The following PSG2 variants were observed in gnomAD, a reference collection of about 807,000 sequenced individuals.
PSG2 encodes pregnancy specific beta-1-glycoprotein 2.
Under a neutral mutation model 36.2 loss-of-function variants are expected in PSG2, and 49 were observed. That is an observed-to-expected ratio of 1.35 (90% CI 1.08 to 1.72). The LOEUF (loss-of-function observed/expected upper bound fraction) is 1.72. PSG2 is among the 40% of genes most tolerant of loss of function. The probability of loss-of-function intolerance (pLI) is 0.00; values close to 1 mark genes in which losing one functional copy is unlikely to be tolerated. For synonymous variants in PSG2, 261 were observed against 155.6 expected, an observed-to-expected ratio of 1.68 and a Z score of -5.04; for missense variants, 605 against 407.2, an observed-to-expected ratio of 1.49 and a Z score of -4.18.
chr19:43,072,476 C>A, intron 3 of PSG2: 7 of 1,611,402 alleles, frequency 4.3e-6, no homozygotes, highest in Non-Finnish European at 5.9e-6. Flanking sequence ...TTCAATGGGT[C>A]GCTTTACCCT....
intron 4 of PSG2, among the ~76,000 whole-genome samples, chr19:43,070,106 T>TA (rs1378885930): frequency 6.6e-6 from 1 of 151,612 alleles, no homozygotes; most frequent in Non-Finnish European, 1.5e-5. Context: ...CATGAATACT[T>TA]AGAGATGTGC....
Position 43,066,574 on chromosome 19 carries a change from G to C in PSG2, c.991C>G (p.Leu331Val). The C allele has an allele frequency of 6.2e-7, 1 of 1,602,100 alleles. No individual in the cohort carries two copies. ...CACAGCTGCTATGTTGGATTAAGGA[G>C]AGGAAGAAGTCCTATTCTTGTAGAA... is the stretch of plus-strand genomic sequence containing the variant. The part of the protein sequence containing the change: ...SASTRIGLLP[L>V]LNPT Residue 331 changes from leucine (L) to valine (V), a missense_variant, in exon 5 of 6, where the codon CTC becomes GTC. By Grantham distance (32) the Leu-to-Val change is conservative. Coordinates refer to ENST00000406487, the MANE Select transcript of PSG2 (RefSeq NM_031246.4).
chr19:43,071,745 CT>C lies in PSG2; in HGVS notation c.918del (p.Ala307ProfsTer10), dbSNP rs753732479. 6.2e-7 allele frequency: 1 copy of C among 1,612,904 alleles called. No individual in the cohort carries two copies. The highest frequency in any genetic ancestry group is 1.3e-5 in the African/African-American group (1 of 74,462). On this transcript the variant is annotated frameshift_variant, in exon 4 of 6. Transcript: ENST00000406487. LOFTEE classifies it high-confidence loss of function. ...GATGTGGAGCTTTCCTCGCCAGTGG[CT>C]GAGTTACGAACAGAGCAAACATAGA... ...SGLYVCSVRN[S>X]ATGEESSTSL...
intron 2 of PSG2, among the ~76,000 whole-genome samples, chr19:43,079,404 G>C (rs1036609209): frequency 6.6e-6 from 1 of 151,398 alleles, no homozygotes; most frequent in Non-Finnish European, 1.5e-5. Flanking sequence ...AAGGACAAGG[G>C]ACAGGTGTGG....
intron 2 of PSG2, 132 bp downstream of exon 2, chr19:43,080,749 A>G: frequency 6.4e-7 from 1 of 1,565,818 alleles, no homozygotes; most frequent in Non-Finnish European, 8.8e-7. Context: ...TCCTGCACTA[A>G]ATGCCCAAAC....
chr19:43,077,931 C>G (rs1180353096), intron 2 of PSG2, among the ~76,000 whole-genome samples: 1 of 151,576 alleles, frequency 6.6e-6, no homozygotes, highest in East Asian at 1.9e-4. Flanking sequence ...TGTTATATGC[C>G]TGACCGGAAG....
chr19:43,072,278 G>A lies in PSG2; in HGVS notation c.710-324C>T, dbSNP rs1451096411. 86 of 1,587,560 alleles carry A rather than the reference G, an allele frequency of 5.4e-5. 1 individual carries two copies. The highest frequency in any genetic ancestry group is 6.9e-5 in the Non-Finnish European group (80 of 1,164,076). On this transcript the variant is annotated intron_variant, in intron 3 of 5. Transcript: ENST00000406487. ...AAGTTGTCTATACTTGGACCGGAGA[G>A]AGACTGAGAGGCCTGGCCCCTGGTC... is the stretch of plus-strand genomic sequence containing the variant.
chr19:43,068,339 T>G (rs1249448481), intron 4 of PSG2, among the ~76,000 whole-genome samples: 1 of 151,068 alleles, frequency 6.6e-6, no homozygotes, highest in South Asian at 2.1e-4. Flanking sequence ...CTTGAGAGGC[T>G]GAAGAAGGAG....
At chr19:43,074,431 C>G (rs1967862709) in intron 3 of PSG2, among the ~76,000 whole-genome samples, 1 of 151,596 alleles carries the variant, frequency 6.6e-6, no homozygotes, top group Non-Finnish European at 1.5e-5. Flanking sequence ...AAACTTATTC[C>G]AAAATATTTT....
In PSG2 at chr19:43,082,548, G is replaced by T; in HGVS notation, c.22C>A (p.Pro8Thr). 6.2e-7 allele frequency: 1 copy of T among 1,612,024 alleles called. No individual in the cohort carries two copies. The highest frequency in any genetic ancestry group is 8.5e-7 in the Non-Finnish European group (1 of 1,179,078). Reference sequence around the variant, plus strand: ...TTCCATTTGATGTGCTCTGTGCAGGGAGGGGCTGAGAGGGGCCCCATGGTC... The same window carrying T: ...TTCCATTTGATGTGCTCTGTGCAGGTAGGGGCTGAGAGGGGCCCCATGGTC... MGPLSAP[P>T]CTEHIKWKGL... The change falls in exon 1 of 6, where the codon CCC becomes ACC. Residue 8 changes from proline (P) to threonine (T), a missense_variant. Pro to Thr is a conservative substitution (Grantham distance 38). Coordinates refer to ENST00000406487, the MANE Select transcript of PSG2 (RefSeq NM_031246.4).
chr19:43,075,049 G>A (rs62112361), intron 3 of PSG2, among the ~76,000 whole-genome samples: 9 of 151,614 alleles, frequency 5.9e-5, no homozygotes, highest in East Asian at 3.9e-4. Flanking sequence ...GAGCCAAGCC[G>A]CAACACTGAA....
At chr19:43,080,535 G>A (rs1967956592) in intron 2 of PSG2, among the ~76,000 whole-genome samples, 1 of 151,662 alleles carries the variant, frequency 6.6e-6, no homozygotes, top group Non-Finnish European at 1.5e-5. Context: ...TATCTCAGGG[G>A]ACCCCTCAGG....
rs1477300174 is a variant in PSG2 at position 43,065,253 on chromosome 19, C to T, written c.*41-652G>A. Among the ~76,000 whole-genome samples, 5 of 151,310 alleles carry T rather than the reference C, an allele frequency of 3.3e-5. No individual in the cohort carries two copies. The South Asian group carries it at 8.4e-4, about 25-fold the overall frequency. ...AATATATAAAATAAGGTGGCTTTTC[C>T]GTTCAGCTTCTGTTTCTCAAGAGGA... is the stretch of plus-strand genomic sequence containing the variant. On this transcript the variant is annotated intron_variant, in intron 5 of 5. Coordinates refer to ENST00000406487, the MANE Select transcript of PSG2 (RefSeq NM_031246.4).
At chr19:43,079,564 G>C (rs1488812232) in intron 2 of PSG2, among the ~76,000 whole-genome samples, 1 of 151,602 alleles carries the variant, frequency 6.6e-6, no homozygotes, top group South Asian at 2.1e-4. Flanking sequence ...GGGTGTGAGT[G>C]GGGAAAGAAA....
At chr19:43,079,111 G>T (rs1321973538) in intron 2 of PSG2, among the ~76,000 whole-genome samples, 4 of 151,700 alleles carry the variant, frequency 2.6e-5, no homozygotes, top group Non-Finnish European at 5.9e-5. Context: ...AGGCCTAGGT[G>T]TGAGGGAAGA....
Position 43,066,580 on chromosome 19 carries a change from G to A in PSG2, c.985C>T (p.Leu329Phe). ...TGCTATGTTGGATTAAGGAGAGGAA[G>A]AAGTCCTATTCTTGTAGAAGCTGTC... ...KVSASTRIGLLPLLNPT is the reference protein window; with the variant it reads ...KVSASTRIGLFPLLNPT The change falls in exon 5 of 6, where the codon CTT becomes TTT. Residue 329 changes from leucine (L) to phenylalanine (F), a missense_variant. Transcript: ENST00000406487. 6.2e-7 allele frequency: 1 copy of A among 1,601,566 alleles called. No individual in the cohort carries two copies. Among genetic ancestry groups the A allele is most frequent in the Non-Finnish European group, 8.6e-7 (1 of 1,169,296 alleles).
At chr19:43,068,268 G>C (rs1256807628) in intron 4 of PSG2, among the ~76,000 whole-genome samples, 12 of 151,022 alleles carry the variant, frequency 7.9e-5, no homozygotes, top group East Asian at 3.9e-4. Flanking sequence ...GACGCTGTGT[G>C]TACAAAAAAA....
rs1471085734 is a variant in PSG2, at chr19:43,064,450, A to G, written c.*192T>C. The G allele has an allele frequency of 9.8e-6, 4 of 409,052 alleles. No homozygotes were observed. Among genetic ancestry groups the G allele is most frequent in the East Asian group, 7.5e-5 (2 of 26,506 alleles). 25.3% of individuals were successfully genotyped at this position (409,052 alleles called of 1,614,324 possible). On this transcript the variant is annotated 3_prime_UTR_variant, in exon 6 of 6. Coordinates refer to ENST00000406487, the MANE Select transcript of PSG2 (RefSeq NM_031246.4). ...TATCCTTTTGATTATTTAGTCCAAT[A>G]ACATTGAGTATTTTTCTTCTTTGTC...
At chr19:43,072,973 T>C (rs1967841137) in intron 3 of PSG2, among the ~76,000 whole-genome samples, 1 of 151,698 alleles carries the variant, frequency 6.6e-6, no homozygotes, top group African/African-American at 2.4e-5. Context: ...TTACCTGGAA[T>C]GTGCAACTGC....
Sources: allele counts gnomAD v4.1 joint callset (sites outside exome capture counted in the v4.1 genomes callset), GRCh38; gene constraint gnomAD v4.1.1; transcripts MANE v1.5; gene names NCBI Gene and HGNC (gene_info 2026-07-23, HGNC 2026-07-21).